MYLK3: variants seen among roughly 807,000 people sequenced by gnomAD.
The protein encoded by MYLK3 is MLC kinase.
A neutral mutation model predicts 76.3 loss-of-function variants in MYLK3; 55 were observed. The ratio of observed to expected loss-of-function variants is 0.72; its 90% CI spans 0.58 to 0.90. The LOEUF is 0.90. Among genes scored for constraint, MYLK3 ranks in the 40% least tolerant of loss-of-function variants. The pLI is 0.00. For synonymous variants in MYLK3, 416 were observed against 425.4 expected, an observed-to-expected ratio of 0.98 and a Z score of 0.27; for missense variants, 973 against 1,053.6, an observed-to-expected ratio of 0.92 and a Z score of 1.06.
At chr16:46,707,915 T>C (rs1268879119) in intron 12 of MYLK3, 152 bp from the exon 13 acceptor site, 5 of 539,576 alleles carry the variant, frequency 9.3e-6, no homozygotes, top group Non-Finnish European at 1.6e-5. Flanking sequence ...AAAATAATTA[T>C]AGAATAGTCA....
At chr16:46,749,829 T>C (rs890627930), upstream of MYLK3, among the ~76,000 whole-genome samples, 3 of 152,232 alleles carry the variant, frequency 2.0e-5, no homozygotes, top group Non-Finnish European at 4.4e-5. Context: ...AAATGCAGCT[T>C]GACCACAACC....
intron 4 of MYLK3, among the ~76,000 whole-genome samples, chr16:46,731,761 A>G (rs1303473461): frequency 3.3e-5 from 5 of 152,130 alleles, no homozygotes; most frequent in Non-Finnish European, 5.9e-5. Flanking sequence ...AATGAGACTC[A>G]TGGTGGCAAG....
intron 1 of MYLK3, chr16:46,757,416 C>T (rs1326675863): frequency 1.0e-5 from 10 of 985,328 alleles, no homozygotes; most frequent in Admixed American, 6.1e-5. Context: ...CCAGAGCTGC[C>T]CTTACCGCAA....
intron 1 of MYLK3, among the ~76,000 whole-genome samples, chr16:46,742,541 G>A (rs1458668751): frequency 2.7e-5 from 4 of 150,898 alleles, no homozygotes; most frequent in Non-Finnish European, 5.9e-5. Flanking sequence ...GGCAAAACTC[G>A]GCTAGGGCAG....
chr16:46,763,093 T>C (rs1226162157), exon 1 of MYLK3: 5 of 985,026 alleles, frequency 5.1e-6, no homozygotes, highest in Non-Finnish European at 6.0e-6. Flanking sequence ...TTTTCATAAG[T>C]CTCCAGTGAG....
upstream of MYLK3, among the ~76,000 whole-genome samples, chr16:46,752,602 T>C (rs557009928): frequency 2.0e-5 from 3 of 152,210 alleles, no homozygotes; most frequent in South Asian, 6.2e-4. Flanking sequence ...CCCAGGACAG[T>C]GGTGGCTCAC....
intron 1 of MYLK3, among the ~76,000 whole-genome samples, chr16:46,756,106 C>T (rs948601289): frequency 2.0e-5 from 3 of 151,872 alleles, no homozygotes; most frequent in African/African-American, 7.3e-5. Flanking sequence ...GATGGGCTTT[C>T]ACCGTGTTGC....
At chr16:46,737,056 G>A (rs941004704) in intron 3 of MYLK3, among the ~76,000 whole-genome samples, 2 of 152,184 alleles carry the variant, frequency 1.3e-5, no homozygotes, top group African/African-American at 4.8e-5. Flanking sequence ...CATTCCTGAG[G>A]GCCCTGTCCT....
rs1555471395 is a variant in MYLK3 at position 46,744,342 on chromosome 16, T to TTTC, written c.477+3374_477+3375insGAA. On this transcript the variant is annotated intron_variant, in intron 1 of 12. Transcript: ENST00000394809. Reference sequence around the variant, plus strand: ...CCACCACACCCAGCTTTTTTTTTTTTTTTTTTTTTTTTTTAAGATGGTGTT... The same window carrying TTTC: ...CCACCACACCCAGCTTTTTTTTTTTTTTCTTTTTTTTTTTTTTAAGATGGTGTT... Among the ~76,000 whole-genome samples the TTTC allele has an allele frequency of 2.2e-3, 304 of 139,884 alleles. 6 individuals are homozygous for TTTC. The highest frequency in any genetic ancestry group is 7.7e-3 in the African/African-American group (286 of 37,070). The allele number at this position is 139,884 out of a possible 152,430, so 91.8% of individuals were successfully genotyped here.
chr16:46,751,538 C>T (rs974346368), upstream of MYLK3, among the ~76,000 whole-genome samples: 9 of 152,246 alleles, frequency 5.9e-5, no homozygotes, highest in Middle Eastern at 3.2e-3. Context: ...GACCAAGCCT[C>T]TTGGGCTTGG....
At chr16:46,731,909 T>A (rs371256099) in intron 4 of MYLK3, among the ~76,000 whole-genome samples, 1 of 152,148 alleles carries the variant, frequency 6.6e-6, no homozygotes, top group South Asian at 2.1e-4. Context: ...ACTATGATCA[T>A]GCCACTGGAC....
At chr16:46,738,192 T>A in intron 2 of MYLK3, 49 bp from the exon 3 acceptor site, 6 of 1,414,662 alleles carry the variant, frequency 4.2e-6, no homozygotes, top group Non-Finnish European at 5.6e-6. Context: ...TGGAGGAGTC[T>A]GCCACAAAGA....
intron 1 of MYLK3, among the ~76,000 whole-genome samples, chr16:46,743,034 C>T (rs1020897449): frequency 3.3e-5 from 5 of 152,182 alleles, no homozygotes; most frequent in South Asian, 2.1e-4. Flanking sequence ...TGCGTACGCA[C>T]CCCCCACCCC....
chr16:46,746,106 A>T (rs1967016379), intron 1 of MYLK3, among the ~76,000 whole-genome samples: 1 of 152,050 alleles, frequency 6.6e-6, no homozygotes. Context: ...CCACAGCAAA[A>T]TCTATGGCTG....
In MYLK3 at chr16:46,710,789, T is replaced by C. The variant is rs369405932; in HGVS notation, c.2115A>G (p.Leu705=). Residue 705 remains leucine, a splice_region_variant and synonymous_variant, in exon 11 of 13, where the codon CTA becomes CTG. Coordinates refer to ENST00000394809, the MANE Select transcript of MYLK3 (RefSeq NM_182493.3). ...CTAGAAATGGGGACAAGCCACTGAG[T>C]CTATAGAAGAGAGAAAGGACCATCA... is the stretch of plus-strand genomic sequence containing the variant. ...MWSVGVITYM[L]LSGLSPFLGE... The C allele has an allele frequency of 1.9e-6, 3 of 1,613,874 alleles. No homozygotes were observed. Among genetic ancestry groups the C allele is most frequent in the Non-Finnish European group, 2.5e-6 (3 of 1,179,992 alleles).
chr16:46,727,687 C>T (rs1320614235), intron 7 of MYLK3, among the ~76,000 whole-genome samples: 1 of 152,156 alleles, frequency 6.6e-6, no homozygotes, highest in East Asian at 1.9e-4. Context: ...CCACCACACC[C>T]GGCTAATTTT....
intron 3 of MYLK3, 76 bp downstream of exon 3, chr16:46,737,635 G>C (rs1001034291): frequency 7.2e-7 from 1 of 1,387,242 alleles, no homozygotes; most frequent in African/African-American, 1.4e-5. Flanking sequence ...TGCAGTGGAT[G>C]CTGCCCACGG....
intron 3 of MYLK3, among the ~76,000 whole-genome samples, chr16:46,736,675 T>C (rs1966869709): frequency 6.6e-6 from 1 of 152,100 alleles, no homozygotes; most frequent in African/African-American, 2.4e-5. Context: ...GTCTGACAAA[T>C]GATCTGGGCT....
At position 46,737,540 on chromosome 16, in the gene MYLK3, G is replaced by A. The variant is rs975114400; in HGVS notation, c.1001+171C>T. 1.1e-4 allele frequency among the ~76,000 whole-genome samples: 16 copies of A among 152,306 alleles called. No individual in the cohort carries two copies. In the East Asian group the frequency reaches 2.3e-3, roughly 22 times the overall value. ...CCCCAGTTATTTCTAGTGGGCAGCC[G>A]GTGAGCACTGGTACTCTAAGCTCCC... On this transcript the variant is annotated intron_variant, in intron 3 of 12. Transcript: ENST00000394809.
Sources: allele counts gnomAD v4.1 joint callset (sites outside exome capture counted in the v4.1 genomes callset), GRCh38; gene constraint gnomAD v4.1.1; transcripts MANE v1.5; gene names NCBI Gene and HGNC (gene_info 2026-07-23, HGNC 2026-07-21).